Variants in CNTNAP5 observed in about 807,000 individuals in gnomAD.
The protein encoded by CNTNAP5 is contactin associated protein family member 5.
Under a neutral mutation model 150.2 loss-of-function variants are expected in CNTNAP5, and 72 were observed. That is an observed-to-expected ratio of 0.48 (90% confidence interval 0.40 to 0.58). The LOEUF (loss-of-function observed/expected upper bound fraction) is 0.58. Ranked by LOEUF, CNTNAP5 falls within the 20% of genes least tolerant of loss-of-function variation. CNTNAP5 has a pLI of 0.00. For synonymous variants in CNTNAP5, 672 were observed against 619.8 expected (o/e 1.08, Z -1.25); for missense variants, 1,636 against 1,626.2 (o/e 1.01, Z -0.10).
intron 10 of CNTNAP5, among the ~76,000 whole-genome samples, chr2:124,552,423 GTGCCCACCTTTCCAGGTGGAT>G (rs1290934752): frequency 1.3e-5 from 2 of 152,188 alleles, no homozygotes; most frequent in Admixed American, 6.5e-5. Context: ...TACATGTCCA[GTGCCCACCTTTCCAGGTGGAT>G]TGCCCACGCT....
Position 124,413,422 on chromosome 2 carries a change from A to C in CNTNAP5, c.382-4021A>C, listed in dbSNP as rs1691830381. On this transcript the variant is annotated intron_variant, in intron 3 of 23. Transcript: ENST00000682447. ...CTATAAATCATGCTGCTATAAAGACACATGCACACGTATGTTTATTGCGGC... is the reference window on the plus strand; with the variant it reads ...CTATAAATCATGCTGCTATAAAGACCCATGCACACGTATGTTTATTGCGGC... 2.8e-5 allele frequency among the ~76,000 whole-genome samples: 4 copies of C among 141,370 alleles called. No homozygotes were observed. The South Asian group carries it at 9.4e-4, about 33-fold the overall frequency. 92.7% of individuals were successfully genotyped at this position (141,370 alleles called of 152,430 possible). A position where few individuals can be genotyped will look rare whatever the true frequency, so the allele number is the denominator to read the frequency against.
chr2:124,674,031 G>A (rs145356018), intron 13 of CNTNAP5, among the ~76,000 whole-genome samples: 6 of 151,914 alleles, frequency 3.9e-5, no homozygotes, highest in African/African-American at 1.2e-4. Context: ...CCACCTTGCC[G>A]CATTCACCAC....
intron 1 of CNTNAP5, among the ~76,000 whole-genome samples, chr2:124,144,029 A>G (rs1684185420): frequency 6.6e-6 from 1 of 151,274 alleles, no homozygotes; most frequent in Non-Finnish European, 1.5e-5. Flanking sequence ...TCATGAGTGA[A>G]CTCCCATTCA....
At chr2:124,590,957 T>C (rs766642016) in intron 11 of CNTNAP5, among the ~76,000 whole-genome samples, 10 of 152,182 alleles carry the variant, frequency 6.6e-5, no homozygotes, top group Non-Finnish European at 1.3e-4. Context: ...CCTTAGGCAA[T>C]AAATTAGCTG....
intron 14 of CNTNAP5, among the ~76,000 whole-genome samples, chr2:124,753,699 G>T (rs896457422): frequency 2.6e-5 from 4 of 152,054 alleles, no homozygotes; most frequent in Non-Finnish European, 4.4e-5. Flanking sequence ...ACACATTTTC[G>T]TTATTCATTT....
intron 3 of CNTNAP5, among the ~76,000 whole-genome samples, chr2:124,265,379 G>A (rs1033018484): frequency 2.0e-5 from 3 of 152,076 alleles, no homozygotes; most frequent in East Asian, 1.9e-4. Flanking sequence ...TGCTAATAAC[G>A]GCTCGCTGAC....
chr2:124,592,854 T>C (rs1696727307), intron 11 of CNTNAP5, among the ~76,000 whole-genome samples: 1 of 152,078 alleles, frequency 6.6e-6, no homozygotes, highest in Admixed American at 6.5e-5. Context: ...TTAGAAATGT[T>C]AGTGCTTTGT....
intron 23 of CNTNAP5, among the ~76,000 whole-genome samples, chr2:124,913,446 G>T (rs1678697649): frequency 6.6e-6 from 1 of 151,956 alleles, no homozygotes; most frequent in African/African-American, 2.4e-5. Context: ...GAATCTGATG[G>T]GTCTGGACAG....
At chr2:124,872,416 G>GCA (rs1491408822) in intron 21 of CNTNAP5, among the ~76,000 whole-genome samples, 1 of 145,466 alleles carries the variant, frequency 6.9e-6, no homozygotes, top group African/African-American at 2.6e-5. Flanking sequence ...GTGTGTGTGT[G>GCA]CGTGCATGTG....
rs558330144 is a variant in CNTNAP5 at position 124,185,546 on chromosome 2, A to G, written c.83-36159A>G. Among the ~76,000 whole-genome samples, 4 of 152,294 alleles carry G rather than the reference A, an allele frequency of 2.6e-5. No homozygotes were observed. In the South Asian group the frequency reaches 8.3e-4, roughly 32 times the overall value. On this transcript the variant is annotated intron_variant, in intron 1 of 23. Transcript: ENST00000682447. ...AAATTTTCATCCCCTGTCAAACCAT[A>G]CAGAGGTGTGATTTCAAGGAGAATG...
chr2:124,093,472 G>T (rs138875862), intron 1 of CNTNAP5, among the ~76,000 whole-genome samples: 2 of 152,314 alleles, frequency 1.3e-5, no homozygotes, highest in East Asian at 3.9e-4. Flanking sequence ...GAACTGATTT[G>T]CTATTAGATG....
intron 1 of CNTNAP5, among the ~76,000 whole-genome samples, chr2:124,132,124 C>T (rs1032480611): frequency 6.6e-5 from 10 of 152,158 alleles, no homozygotes; most frequent in Non-Finnish European, 1.5e-4. Flanking sequence ...TATTCAAAGG[C>T]CCTGTACCGA....
intron 3 of CNTNAP5, among the ~76,000 whole-genome samples, chr2:124,355,790 A>G (rs1321505021): frequency 6.6e-6 from 1 of 152,170 alleles, no homozygotes; most frequent in African/African-American, 2.4e-5. Flanking sequence ...GGACATTTGT[A>G]ATTTGCATTT....
chr2:124,272,110 T>C (rs1387940602), intron 3 of CNTNAP5, among the ~76,000 whole-genome samples: 1 of 152,158 alleles, frequency 6.6e-6, no homozygotes, highest in Admixed American at 6.6e-5. Context: ...TTTTTAAGCT[T>C]TAATTGTGTA....
rs567522514 is a variant in CNTNAP5, at chr2:124,109,532, C to A, written c.82+83800C>A. ...TTCAGATAACAAGCGTATCCTGGAACAAAAGTTGTGGTCCTTCAGGGAATA... is the reference window on the plus strand; with the variant it reads ...TTCAGATAACAAGCGTATCCTGGAAAAAAAGTTGTGGTCCTTCAGGGAATA... On this transcript the variant is annotated intron_variant, in intron 1 of 23. Transcript: ENST00000682447. 2.7e-3 allele frequency among the ~76,000 whole-genome samples: 417 copies of A among 152,330 alleles called. 2 individuals are homozygous for A. The highest frequency in any genetic ancestry group is 9.7e-3 in the African/African-American group (404 of 41,584).
intron 3 of CNTNAP5, among the ~76,000 whole-genome samples, chr2:124,376,491 A>C (rs1690652657): frequency 6.6e-6 from 1 of 152,132 alleles, no homozygotes; most frequent in Admixed American, 6.6e-5. Flanking sequence ...TGCTAAGATA[A>C]AAGTTTTTCA....
chr2:124,753,216 C>G (rs973787433), intron 14 of CNTNAP5, among the ~76,000 whole-genome samples: 2 of 152,032 alleles, frequency 1.3e-5, no homozygotes, highest in Non-Finnish European at 2.9e-5. Flanking sequence ...ATATTTTATT[C>G]TTTTCCATAA....
intron 3 of CNTNAP5, among the ~76,000 whole-genome samples, chr2:124,327,120 A>G (rs2104675612): frequency 6.6e-6 from 1 of 151,528 alleles, no homozygotes; most frequent in East Asian, 2.0e-4. Context: ...AGCGGGGACT[A>G]CAGGAGCCTG....
intron 4 of CNTNAP5, among the ~76,000 whole-genome samples, chr2:124,419,151 A>AAAAAAAAAAAAAAC (rs1324145179): frequency 4.9e-5 from 7 of 141,504 alleles, no homozygotes; most frequent in Admixed American, 1.4e-4. Context: ...AAAAAAAAAA[A>AAAAAAAAAAAAAAC]AAAAAAAAAA....
Sources: allele counts gnomAD v4.1 joint callset (sites outside exome capture counted in the v4.1 genomes callset), GRCh38; gene constraint gnomAD v4.1.1; transcripts MANE v1.5; gene names NCBI Gene and HGNC (gene_info 2026-07-23, HGNC 2026-07-21).